Variants in ELFN1 observed in about 807,000 individuals in gnomAD.
The protein encoded by ELFN1 is protein ELFN1.
A neutral mutation model predicts 7.6 loss-of-function variants in ELFN1; 6 were observed. The observed-to-expected ratio is 0.79, with a 90% CI of 0.43 to 1.56. The LOEUF is 1.56. Among genes scored for constraint, ELFN1 ranks in the 40% most tolerant of loss-of-function variants. The probability of loss-of-function intolerance (pLI) is 0.01; values close to 1 mark genes in which losing one functional copy is unlikely to be tolerated. For missense variants in ELFN1, 1,169 were observed against 1,232.2 expected (o/e 0.95, Z 0.77); for synonymous variants, 657 against 588.1 (o/e 1.12, Z -1.70).
rs11520694 is a variant in ELFN1 at position 1,695,422 on chromosome 7, C to T, written c.-456+7272C>T. ...AGTCTCGCTGGGAGGCAGGAGCAGA[C>T]TCAGCCCGCCAAGCCCATGAACCCC... On this transcript the variant is annotated intron_variant, in intron 2 of 3. Coordinates refer to ENST00000424383, the MANE Select transcript of ELFN1 (RefSeq NM_001128636.4). The surrounding 1 kb of genome is among the most constrained non-coding windows in gnomAD (Gnocchi z 5.1). Among the ~76,000 whole-genome samples, 8 of 152,264 alleles carry T rather than the reference C, an allele frequency of 5.3e-5. 1 individual carries two copies. In the South Asian group the frequency reaches 1.5e-3, roughly 28 times the overall value.
At chr7:1,738,085 G>A (rs1180117269) in intron 3 of ELFN1, among the ~76,000 whole-genome samples, 3 of 152,312 alleles carry the variant, frequency 2.0e-5, no homozygotes, top group South Asian at 4.1e-4. Flanking sequence ...GTGAGTGAAC[G>A]CAGCGGTTCT....
chr7:1,693,912 TG>T, intron 2 of ELFN1: 1 of 399,704 alleles, frequency 2.5e-6, no homozygotes, highest in African/African-American at 2.1e-5. Flanking sequence ...TCCTCCTGCG[TG>T]CCGGCAAGGT....
chr7:1,697,347 C>T (rs1249397419), intron 2 of ELFN1, among the ~76,000 whole-genome samples: 2 of 152,248 alleles, frequency 1.3e-5, no homozygotes, highest in African/African-American at 4.8e-5. Flanking sequence ...CTGCCCCCTC[C>T]TCCACGGGGA....
At chr7:1,687,551 G>C (rs1203869263) in intron 1 of ELFN1, among the ~76,000 whole-genome samples, 2 of 151,988 alleles carry the variant, frequency 1.3e-5, no homozygotes, top group South Asian at 2.1e-4. Flanking sequence ...CTGTACAGTT[G>C]TCTCAAAATA....
rs1209158359 is a variant in ELFN1, at chr7:1,694,097, A to T, written c.-456+5947A>T. On this transcript the variant is annotated intron_variant, in intron 2 of 3. Coordinates refer to ENST00000424383, the MANE Select transcript of ELFN1 (RefSeq NM_001128636.4). ...CCTGGTCTCACTTCCTAGAAAGAGA[A>T]ACCGAGGCTTGAAGCAGCTCCAGCC... 1.6e-5 allele frequency: 4 copies of T among 246,496 alleles called. No homozygotes were observed. The East Asian group carries it at 3.5e-4, about 22-fold the overall frequency. The allele number at this position is 246,496 out of a possible 1,614,324, so 15.3% of individuals were successfully genotyped here. A position where few individuals can be genotyped will look rare whatever the true frequency, so the allele number is the denominator to read the frequency against.
chr7:1,688,754 A>C (rs1393905081), intron 2 of ELFN1, among the ~76,000 whole-genome samples: 2 of 152,192 alleles, frequency 1.3e-5, no homozygotes, highest in African/African-American at 2.4e-5. Context: ...CAGTGTCACA[A>C]CCAGGATATT....
At chr7:1,728,858 C>T (rs576954139) in intron 3 of ELFN1, among the ~76,000 whole-genome samples, 5 of 152,300 alleles carry the variant, frequency 3.3e-5, no homozygotes, top group East Asian at 1.9e-4. Context: ...GTGTGTCCAG[C>T]GTGTTCACAA....
upstream of ELFN1, among the ~76,000 whole-genome samples, chr7:1,668,770 T>C (rs1001423968): frequency 6.6e-6 from 1 of 152,262 alleles, no homozygotes; most frequent in Non-Finnish European, 1.5e-5. Context: ...GCCTGCGGCC[T>C]GGCTCTGACC....
At chr7:1,717,508 C>T (rs1170830674) in intron 3 of ELFN1, among the ~76,000 whole-genome samples, 1 of 152,186 alleles carries the variant, frequency 6.6e-6, no homozygotes, top group Non-Finnish European at 1.5e-5. Flanking sequence ...GTGTGCTCCA[C>T]TCAGAGGAAG....
intron 2 of ELFN1, among the ~76,000 whole-genome samples, chr7:1,689,176 G>A (rs775700521): frequency 6.6e-6 from 1 of 152,204 alleles, no homozygotes; most frequent in Non-Finnish European, 1.5e-5. Flanking sequence ...CTTATAGTTT[G>A]TTCTTTTCTG....
At position 1,746,570 on chromosome 7, in the gene ELFN1, G is replaced by C; in HGVS notation, c.1974G>C (p.Gly658=). 7.4e-7 allele frequency: 1 copy of C among 1,355,606 alleles called. No homozygotes were observed. The highest frequency in any genetic ancestry group is 3.2e-5 in the East Asian group (1 of 30,988). The allele number at this position is 1,355,606 out of a possible 1,614,324, so 84.0% of individuals were successfully genotyped here. ...GCGCCTTCCGAGCCGAGGCCGTCGG[G>C]GTGCACAAGGCCGCGGCCGCCGAGG... The part of the protein sequence containing the change: ...SPRAFRAEAV[G]VHKAAAAEAK... Residue 658 remains glycine, a synonymous_variant, in exon 4 of 4, where the codon GGG becomes GGC. Coordinates refer to ENST00000424383, the MANE Select transcript of ELFN1 (RefSeq NM_001128636.4).
chr7:1,673,093 C>CCCT lies in ELFN1; in HGVS notation c.-549+2740_-549+2741insCTC, dbSNP rs3996319. Among the ~76,000 whole-genome samples, 99 of 151,716 alleles carry CCCT rather than the reference C, an allele frequency of 6.5e-4. No individual in the cohort carries two copies. Among genetic ancestry groups the CCCT allele is most frequent in the African/African-American group, 1.5e-3 (63 of 41,344 alleles). ...TTTGTCATCTCTCCAGCGCCCCCCC[C>CCCT]CGCTCTTTCCTTTTTGTTTTTGTTG... On this transcript the variant is annotated intron_variant, in intron 1 of 3. Coordinates refer to ENST00000424383, the MANE Select transcript of ELFN1 (RefSeq NM_001128636.4). This position sits in a 1 kb window ranked among gnomAD's most constrained non-coding sequence, Gnocchi z 4.7.
intron 3 of ELFN1, among the ~76,000 whole-genome samples, chr7:1,725,172 A>G (rs1189797761): frequency 6.6e-6 from 1 of 152,244 alleles, no homozygotes; most frequent in Non-Finnish European, 1.5e-5. Context: ...TGAGACCCCA[A>G]AACCTGGTGG....
upstream of ELFN1, among the ~76,000 whole-genome samples, chr7:1,667,255 C>T (rs1778685488): frequency 6.6e-6 from 1 of 152,094 alleles, no homozygotes; most frequent in South Asian, 2.1e-4. This position sits in a 1 kb window ranked among gnomAD's most constrained non-coding sequence, Gnocchi z 8.2. Context: ...CGCGAGTCCC[C>T]GGGGCCAGGC....
rs1049706647 is a variant in ELFN1 at position 1,700,503 on chromosome 7, G to A, written c.-455-8588G>A. Among the ~76,000 whole-genome samples, 147 of 152,314 alleles carry A rather than the reference G, an allele frequency of 9.7e-4. 1 individual carries two copies. The highest frequency in any genetic ancestry group is 3.5e-3 in the African/African-American group (144 of 41,576). ...TTCTTCTGGTCAACACTCTCCGGGG[G>A]AGACATACCCATTCATTGTGCTTGG... On this transcript the variant is annotated intron_variant, in intron 2 of 3. Coordinates refer to ENST00000424383, the MANE Select transcript of ELFN1 (RefSeq NM_001128636.4).
intron 3 of ELFN1, among the ~76,000 whole-genome samples, chr7:1,723,848 G>A (rs1017579284): frequency 6.6e-6 from 1 of 152,256 alleles, no homozygotes; most frequent in African/African-American, 2.4e-5. Flanking sequence ...AGCTCTGCAA[G>A]TTGCAGTGCA....
intron 1 of ELFN1, among the ~76,000 whole-genome samples, chr7:1,676,154 G>A (rs1414139756): frequency 1.3e-5 from 2 of 152,200 alleles, no homozygotes; most frequent in East Asian, 3.9e-4. Context: ...TGCCTAAAGG[G>A]TGCTGGTAGT....
chr7:1,724,690 G>A (rs976921302), intron 3 of ELFN1, among the ~76,000 whole-genome samples: 23 of 151,934 alleles, frequency 1.5e-4, no homozygotes, highest in South Asian at 1.5e-3. Flanking sequence ...GCCAGAGCCC[G>A]GGGCCCCATG....
Position 1,735,314 on chromosome 7 carries a change from A to G in ELFN1, c.-293-8990A>G, listed in dbSNP as rs1562384772. ...AGTCGTGTGGATGGCCCAAGGTCAC[A>G]TGGTAAGGTCGTCAGGCACTCGGCA... On this transcript the variant is annotated intron_variant, in intron 3 of 3. Coordinates refer to ENST00000424383, the MANE Select transcript of ELFN1 (RefSeq NM_001128636.4). This position sits in a 1 kb window ranked among gnomAD's most constrained non-coding sequence, Gnocchi z 5.9. Among the ~76,000 whole-genome samples the G allele has an allele frequency of 6.6e-6, 1 of 152,034 alleles. No individual in the cohort carries two copies. Among genetic ancestry groups the G allele is most frequent in the South Asian group, 2.1e-4 (1 of 4,824 alleles).
Sources: allele counts gnomAD v4.1 joint callset (sites outside exome capture counted in the v4.1 genomes callset), GRCh38; gene constraint gnomAD v4.1.1; non-coding constraint Gnocchi (gnomAD v3.1); transcripts MANE v1.5; gene names NCBI Gene and HGNC (gene_info 2026-07-23, HGNC 2026-07-21).